SAMMSON: variants seen among roughly 807,000 people sequenced by gnomAD.
The protein encoded by SAMMSON is survival associated mitochondrial melanoma specific oncogenic non-coding RNA, also known as long intergenic non-protein coding RNA 1212.
intron 3 of SAMMSON, among the ~76,000 whole-genome samples, chr3:70,065,610 C>T (rs2067206662): frequency 6.6e-6 from 1 of 152,002 alleles, no homozygotes; most frequent in South Asian, 2.1e-4. Context: ...AGAGTTCTCC[C>T]TGGGGGGCTG....
chr3:70,252,903 A>C (rs889379515), intron 6 of SAMMSON, among the ~76,000 whole-genome samples: 1 of 151,962 alleles, frequency 6.6e-6, no homozygotes. Flanking sequence ...AACATCGTGA[A>C]ACCCCCTCTC....
intron 4 of SAMMSON, among the ~76,000 whole-genome samples, chr3:70,080,384 G>A (rs918191667): frequency 6.6e-6 from 1 of 152,204 alleles, no homozygotes; most frequent in Non-Finnish European, 1.5e-5. Context: ...CAGTATAATG[G>A]ATTGTTACCT....
At chr3:70,341,148 A>T (rs910774730) in intron 7 of SAMMSON, among the ~76,000 whole-genome samples, 1 of 151,960 alleles carries the variant, frequency 6.6e-6, no homozygotes, top group African/African-American at 2.4e-5. Context: ...GTGCTTTGGG[A>T]TATAGTTTCT....
At chr3:70,037,124 G>T (rs2067088218) in intron 3 of SAMMSON, among the ~76,000 whole-genome samples, 1 of 151,758 alleles carries the variant, frequency 6.6e-6, no homozygotes, top group East Asian at 1.9e-4. Flanking sequence ...GGGAGTCTAT[G>T]ATATTCATGC....
chr3:70,185,981 A>T (rs1701088464), intron 4 of SAMMSON, among the ~76,000 whole-genome samples: 2 of 152,084 alleles, frequency 1.3e-5, no homozygotes, highest in Admixed American at 1.3e-4. Flanking sequence ...TGTCTCAAAA[A>T]AACCCAGAAA....
At chr3:70,094,213 C>T (rs958625261) in intron 4 of SAMMSON, among the ~76,000 whole-genome samples, 1 of 152,158 alleles carries the variant, frequency 6.6e-6, no homozygotes, top group Non-Finnish European at 1.5e-5. Context: ...CTCTCCATCC[C>T]TATCGGCTCC....
intron 4 of SAMMSON, among the ~76,000 whole-genome samples, chr3:70,224,325 G>A (rs917500545): frequency 3.3e-5 from 5 of 152,196 alleles, no homozygotes; most frequent in African/African-American, 9.6e-5. Context: ...TACATTTGGA[G>A]AGATGACTCC....
chr3:70,001,909 C>T (rs2066907303), intron 1 of SAMMSON, among the ~76,000 whole-genome samples: 1 of 152,188 alleles, frequency 6.6e-6, no homozygotes, highest in African/African-American at 2.4e-5. Flanking sequence ...GGCTCCTGTC[C>T]ATTCTGTGGA....
chr3:70,035,882 A>G (rs1276306625), intron 3 of SAMMSON, among the ~76,000 whole-genome samples: 1 of 152,174 alleles, frequency 6.6e-6, no homozygotes, highest in Non-Finnish European at 1.5e-5. Context: ...ATCATAGGTA[A>G]TGTAACTGAC....
At chr3:70,259,748 T>C (rs1701848083) in intron 6 of SAMMSON, among the ~76,000 whole-genome samples, 2 of 152,176 alleles carry the variant, frequency 1.3e-5, no homozygotes, top group African/African-American at 4.8e-5. Flanking sequence ...ATTGTTGTAT[T>C]AGTCTGTTTT....
intron 7 of SAMMSON, among the ~76,000 whole-genome samples, chr3:70,327,967 A>T (rs1702590695): frequency 6.6e-6 from 1 of 152,206 alleles, no homozygotes; most frequent in African/African-American, 2.4e-5. Context: ...CAATTTACAA[A>T]AGAAAGAAGT....
intron 4 of SAMMSON, among the ~76,000 whole-genome samples, chr3:70,147,177 T>C (rs1005595891): frequency 6.6e-6 from 1 of 151,896 alleles, no homozygotes; most frequent in African/African-American, 2.4e-5. Context: ...ATGAACTAAA[T>C]AAATGGAGCT....
intron 4 of SAMMSON, among the ~76,000 whole-genome samples, chr3:70,214,447 C>T (rs193223167): frequency 6.6e-6 from 1 of 151,874 alleles, no homozygotes; most frequent in Non-Finnish European, 1.5e-5. Flanking sequence ...AGAGAAAAGG[C>T]TAAAGTATAT....
At chr3:70,291,587 C>G (rs1702240327) in intron 7 of SAMMSON, among the ~76,000 whole-genome samples, 1 of 152,120 alleles carries the variant, frequency 6.6e-6, no homozygotes, top group Admixed American at 6.5e-5. Flanking sequence ...ATACTTAGCA[C>G]AGTGCTGGGA....
At chr3:70,077,921 C>G (rs920020633) in intron 4 of SAMMSON, among the ~76,000 whole-genome samples, 6 of 152,190 alleles carry the variant, frequency 3.9e-5, no homozygotes, top group African/African-American at 1.4e-4. Flanking sequence ...CTTCTACTGT[C>G]CTATAGGGCT....
chr3:70,241,422 TA>T (rs1440891255), intron 4 of SAMMSON, among the ~76,000 whole-genome samples: 3 of 152,168 alleles, frequency 2.0e-5, no homozygotes, highest in African/African-American at 4.8e-5. Context: ...TGACTAACAC[TA>T]AAAAAGTTTA....
chr3:70,367,885 C>G (rs1702933486), intron 9 of SAMMSON, among the ~76,000 whole-genome samples: 1 of 151,180 alleles, frequency 6.6e-6, no homozygotes, highest in Non-Finnish European at 1.5e-5. Context: ...TTGCCAGTGT[C>G]TGTCTTTTGT....
intron 4 of SAMMSON, among the ~76,000 whole-genome samples, chr3:70,122,338 G>A (rs1032865182): frequency 2.0e-5 from 3 of 152,122 alleles, no homozygotes; most frequent in East Asian, 3.9e-4. Flanking sequence ...GACTACAGGC[G>A]TGTCCACTAA....
chr3:70,389,154 C>G (rs114302938), intron 9 of SAMMSON, among the ~76,000 whole-genome samples: 1 of 152,008 alleles, frequency 6.6e-6, no homozygotes, highest in Admixed American at 6.6e-5. Flanking sequence ...ATGCAGCTGC[C>G]CAACCTTGAA....
Sources: allele counts gnomAD v4.1 joint callset (sites outside exome capture counted in the v4.1 genomes callset), GRCh38; gene constraint gnomAD v4.1.1; transcripts MANE v1.5; gene names NCBI Gene and HGNC (gene_info 2026-07-23, HGNC 2026-07-21).